TOGARAM1: variants seen among roughly 807,000 people sequenced by gnomAD.
TOGARAM1 encodes TOG array regulator of axonemal microtubules 1, also known as TOG array regulator of axonemal microtubules protein 1.
Under a neutral mutation model 166.6 loss-of-function variants are expected in TOGARAM1, and 100 were observed. That is an observed-to-expected ratio of 0.60 (90% CI 0.51 to 0.71). The LOEUF (loss-of-function observed/expected upper bound fraction) is 0.71. TOGARAM1 is among the 30% of genes least tolerant of loss of function. TOGARAM1 has a pLI of 0.00. For synonymous variants in TOGARAM1, 758 were observed against 763.8 expected (o/e 0.99, Z 0.13); for missense variants, 2,029 against 2,102.7 (o/e 0.96, Z 0.69).
intron 3 of TOGARAM1, among the ~76,000 whole-genome samples, chr14:44,999,958 G>C (rs1021051312): frequency 1.3e-4 from 19 of 152,000 alleles, no homozygotes; most frequent in African/African-American, 4.1e-4. Context: ...GCTATACTGA[G>C]CACTAGATCT....
At chr14:45,052,669 C>A in intron 15 of TOGARAM1, 107 bp downstream of exon 15, 3 of 1,060,414 alleles carry the variant, frequency 2.8e-6, no homozygotes, top group Non-Finnish European at 4.0e-6. Context: ...CTCTGTTAAT[C>A]ATTTGGACTA....
At chr14:45,008,790 G>A (rs1879612107) in intron 5 of TOGARAM1, 123 bp from the exon 6 acceptor site, 1 of 646,528 alleles carries the variant, frequency 1.5e-6, no homozygotes. Flanking sequence ...TATTCATCTT[G>A]TTTTAGTACA....
intron 16 of TOGARAM1, among the ~76,000 whole-genome samples, chr14:45,060,360 C>A (rs975063666): frequency 1.3e-5 from 2 of 151,906 alleles, no homozygotes; most frequent in African/African-American, 4.8e-5. Flanking sequence ...GGACTACAGG[C>A]GTGTGCCACC....
At chr14:44,978,816 A>G (rs1300055876) in intron 1 of TOGARAM1, among the ~76,000 whole-genome samples, 2 of 150,186 alleles carry the variant, frequency 1.3e-5, no homozygotes, top group East Asian at 3.9e-4. Flanking sequence ...TAAAAAAAAG[A>G]GAAAAAAAAA....
Position 45,068,634 on chromosome 14 carries a change from C to G in TOGARAM1, c.4960C>G (p.Gln1654Glu). The change falls in exon 18 of 20, where the codon CAG (glutamine) becomes GAG (glutamate). Residue 1654 changes from glutamine (Q) to glutamate (E), a missense_variant. Coordinates refer to ENST00000361462, the MANE Select transcript of TOGARAM1 (RefSeq NM_001308120.2). The stretch of plus-strand genomic sequence containing the variant: ...TACAAATGTTGTTCAGGCACTGAGT[C>G]AGCATGTAGGTAAGAAATCTTACTT... ...AATNVVQALS[Q>E]HVDNYLLLQP... The G allele has an allele frequency of 1.9e-6, 3 of 1,595,988 alleles. No homozygotes were observed. Among genetic ancestry groups the G allele is most frequent in the Non-Finnish European group, 2.6e-6 (3 of 1,171,018 alleles).
In TOGARAM1 at chr14:44,963,374, A is replaced by C. The variant is rs1885317249; in HGVS notation, c.953A>C (p.Gln318Pro). 6.2e-7 allele frequency: 1 copy of C among 1,614,196 alleles called. No homozygotes were observed. The highest frequency in any genetic ancestry group is 8.5e-7 in the Non-Finnish European group (1 of 1,180,038). ...NRRLESQFGS[Q>P]VPYYLELEAS... ...CGCCTGGAGTCCCAGTTTGGAAGTC[A>C]GGTTCCTTATTATTTGGAACTTGAA... is the stretch of plus-strand genomic sequence containing the variant. Residue 318 changes from glutamine (Q) to proline (P), a missense_variant, in exon 1 of 20, where the codon CAG becomes CCG. By Grantham distance (76) the Gln-to-Pro change is moderately conservative. Around this residue, in one of 2 missense-constraint regions of TOGARAM1, gnomAD observed 1,453 missense variants for 1,432.2 expected, o/e 1.01. Transcript: ENST00000361462.
At chr14:45,029,925 G>A (rs1246242521) in intron 10 of TOGARAM1, among the ~76,000 whole-genome samples, 1 of 152,048 alleles carries the variant, frequency 6.6e-6, no homozygotes, top group Non-Finnish European at 1.5e-5. Flanking sequence ...CGGTTCAAGC[G>A]ATTCTTCTGC....
chr14:45,001,580 A>T (rs1221966495), intron 3 of TOGARAM1, among the ~76,000 whole-genome samples: 3 of 152,214 alleles, frequency 2.0e-5, no homozygotes, highest in African/African-American at 7.2e-5. Flanking sequence ...ATACAATGTG[A>T]AAATGGGCAA....
intron 17 of TOGARAM1, among the ~76,000 whole-genome samples, chr14:45,067,551 T>G (rs908303047): frequency 6.6e-6 from 1 of 152,142 alleles, no homozygotes; most frequent in Admixed American, 6.5e-5. Context: ...TATTAATAAT[T>G]TATTAATTAA....
At chr14:44,965,573 A>G (rs992937416) in intron 1 of TOGARAM1, among the ~76,000 whole-genome samples, 3 of 152,208 alleles carry the variant, frequency 2.0e-5, no homozygotes, top group African/African-American at 4.8e-5. Context: ...TAGGAGATAC[A>G]TATATATTAA....
chr14:44,997,736 G>A (rs142100712), intron 2 of TOGARAM1, among the ~76,000 whole-genome samples: 190 of 151,114 alleles, frequency 1.3e-3, no homozygotes, highest in African/African-American at 4.3e-3. Context: ...GAGGCCGGGC[G>A]CTGTGTCTCA....
intron 14 of TOGARAM1, among the ~76,000 whole-genome samples, chr14:45,047,937 T>A (rs781628255): frequency 1.3e-5 from 2 of 151,260 alleles, no homozygotes; most frequent in Non-Finnish European, 2.9e-5. Context: ...ATGCCTGTAA[T>A]CCCAGCTACC....
At chr14:45,012,175 T>C (rs2138862085) in intron 7 of TOGARAM1, 100 bp downstream of exon 7, 1 of 762,824 alleles carries the variant, frequency 1.3e-6, no homozygotes, top group South Asian at 2.1e-5. Flanking sequence ...TTGTTGTGCA[T>C]ACTGGTTAAG....
chr14:44,996,114 G>A (rs1048238042), intron 2 of TOGARAM1: 1 of 336,466 alleles, frequency 3.0e-6, no homozygotes, highest in Non-Finnish European at 5.3e-6. Context: ...TATTAATATA[G>A]GGCAATATTT....
chr14:45,044,405 G>A (rs1361783697), intron 12 of TOGARAM1, among the ~76,000 whole-genome samples: 1 of 149,276 alleles, frequency 6.7e-6, no homozygotes, highest in African/African-American at 2.4e-5. Context: ...GCCAGGCATG[G>A]TGGTGTGCAT....
At chr14:45,069,026 TA>T (rs1435464412) in intron 18 of TOGARAM1, among the ~76,000 whole-genome samples, 7 of 152,124 alleles carry the variant, frequency 4.6e-5, no homozygotes, top group Admixed American at 6.5e-5. Context: ...AACTTAAATG[TA>T]AAACTTTTAG....
chr14:44,965,344 G>C (rs541488466), intron 1 of TOGARAM1, among the ~76,000 whole-genome samples: 2 of 152,182 alleles, frequency 1.3e-5, no homozygotes, highest in African/African-American at 4.8e-5. Flanking sequence ...TATATTTCTT[G>C]TTTTACTTTT....
At chr14:45,037,152 C>T (rs1881478156) in intron 11 of TOGARAM1, among the ~76,000 whole-genome samples, 1 of 152,202 alleles carries the variant, frequency 6.6e-6, no homozygotes, top group South Asian at 2.1e-4. Flanking sequence ...ACCCTCTCAT[C>T]TTCTAGAGGT....
intron 16 of TOGARAM1, among the ~76,000 whole-genome samples, chr14:45,066,136 A>G (rs1200513113): frequency 1.3e-5 from 2 of 151,976 alleles, no homozygotes; most frequent in East Asian, 1.9e-4. Context: ...CCCAGTGAAA[A>G]CTCTAGACAT....
Sources: allele counts gnomAD v4.1 joint callset (sites outside exome capture counted in the v4.1 genomes callset), GRCh38; gene constraint gnomAD v4.1.1; regional missense constraint gnomAD v4.1.1; transcripts MANE v1.5; gene names NCBI Gene and HGNC (gene_info 2026-07-23, HGNC 2026-07-21).